Variants in NRCAM observed in about 807,000 individuals in gnomAD.
NRCAM encodes the protein NgCAM-related cell adhesion molecule.
Under a neutral mutation model 156.5 loss-of-function variants are expected in NRCAM, and 83 were observed. The observed-to-expected ratio is 0.53, with a 90% CI of 0.44 to 0.64. The LOEUF (loss-of-function observed/expected upper bound fraction) is 0.64. NRCAM is among the 30% of genes least tolerant of loss of function. The probability of loss-of-function intolerance (pLI) is 0.00; values close to 1 mark genes in which losing one functional copy is unlikely to be tolerated. For missense variants in NRCAM, 1,417 were observed against 1,597.3 expected (o/e 0.89, Z 1.92); for synonymous variants, 538 against 563.9 (o/e 0.95, Z 0.65).
chr7:108,230,187 A>G (rs1269629), intron 8 of NRCAM, among the ~76,000 whole-genome samples: 60,135 of 151,684 alleles, frequency 0.4, 13,975 homozygotes, highest in East Asian at 0.83. Context: ...GAGTTGTTCA[A>G]TCTCCAAAGG....
intron 2 of NRCAM, among the ~76,000 whole-genome samples, chr7:108,369,404 G>C (rs2099614510): frequency 6.6e-6 from 1 of 151,784 alleles, no homozygotes; most frequent in Non-Finnish European, 1.5e-5. Flanking sequence ...ATGAAATATA[G>C]GCCACTGAAA....
chr7:108,336,786 CTT>C (rs2099197677), intron 2 of NRCAM, among the ~76,000 whole-genome samples: 1 of 151,954 alleles, frequency 6.6e-6, no homozygotes, highest in Non-Finnish European at 1.5e-5. Context: ...TTTCATATCT[CTT>C]AAGTAATAAC....
chr7:108,387,824 T>C (rs1307145155), intron 2 of NRCAM, among the ~76,000 whole-genome samples: 1 of 151,910 alleles, frequency 6.6e-6, no homozygotes. Flanking sequence ...TTTTCTGTCC[T>C]TGTGATAGTT....
At chr7:108,389,243 C>T (rs539742349) in intron 2 of NRCAM, among the ~76,000 whole-genome samples, 8 of 152,134 alleles carry the variant, frequency 5.3e-5, no homozygotes, top group African/African-American at 1.7e-4. Flanking sequence ...GTTGAGCAGT[C>T]GTTTGTAGTT....
chr7:108,382,515 A>AG (rs772052097), intron 2 of NRCAM, among the ~76,000 whole-genome samples: 110 of 152,198 alleles, frequency 7.2e-4, no homozygotes, highest in Non-Finnish European at 1.4e-3. Context: ...AGGCTGAGGC[A>AG]GGGGGATTGC....
chr7:108,275,031 G>A (rs1293976410), intron 3 of NRCAM, among the ~76,000 whole-genome samples: 2 of 152,138 alleles, frequency 1.3e-5, no homozygotes, highest in East Asian at 1.9e-4. Flanking sequence ...TTTATGTGAT[G>A]GATTACGTTT....
In NRCAM at chr7:108,168,279, C is replaced by A; in HGVS notation, c.3311G>T (p.Gly1104Val). 6.6e-7 allele frequency: 1 copy of A among 1,513,202 alleles called. No individual in the cohort carries two copies. Among genetic ancestry groups the A allele is most frequent in the Non-Finnish European group, 8.8e-7 (1 of 1,133,898 alleles). The allele number at this position is 1,513,202 out of a possible 1,614,324, so 93.7% of individuals were successfully genotyped here. The change falls in exon 29 of 33, where the codon GGC becomes GTC. Residue 1104 changes from glycine to valine, a missense_variant and splice_region_variant. Physicochemically the swap from Gly to Val is moderately radical, Grantham distance 109. Transcript: ENST00000379028. ...CGGGTAATGAAATTGTTTCTTACTG[C>A]CTGCTACACCATATTCAACATAAAA... ...VNFYVEYGVA[G>V]SKEEWRKEIV... is the part of the protein sequence containing the mutation.
intron 23 of NRCAM, 96 bp downstream of exon 23, chr7:108,182,599 C>T (rs2064137506): frequency 9.5e-7 from 1 of 1,055,842 alleles, no homozygotes. Flanking sequence ...TAATTGCCAC[C>T]TCCCTCCCTT....
At chr7:108,187,268 C>A (rs1366115426) in intron 20 of NRCAM, among the ~76,000 whole-genome samples, 1 of 152,224 alleles carries the variant, frequency 6.6e-6, no homozygotes, top group Admixed American at 6.5e-5. Flanking sequence ...CCACTCTACA[C>A]ACCCACCACC....
intron 3 of NRCAM, among the ~76,000 whole-genome samples, chr7:108,266,568 G>A (rs765949365): frequency 1.3e-5 from 2 of 152,208 alleles, no homozygotes; most frequent in African/African-American, 2.4e-5. Flanking sequence ...TGAGCTCAAA[G>A]AGATAGAGTT....
intron 26 of NRCAM, 93 bp downstream of exon 26, chr7:108,177,897 C>T (rs113486493): frequency 1.8e-5 from 21 of 1,139,026 alleles, no homozygotes; most frequent in Middle Eastern, 3.0e-4. Context: ...AACATCACTA[C>T]GTACCCCATG....
chr7:108,176,262 A>T (rs927105643), intron 27 of NRCAM, among the ~76,000 whole-genome samples, 168 bp downstream of exon 27: 1 of 152,198 alleles, frequency 6.6e-6, no homozygotes, highest in African/African-American at 2.4e-5. Context: ...ATATCAGTCC[A>T]ATATGAACTA....
chr7:108,236,415 A>G (rs903890351), intron 5 of NRCAM, among the ~76,000 whole-genome samples: 1 of 151,360 alleles, frequency 6.6e-6, no homozygotes, highest in African/African-American at 2.4e-5. Flanking sequence ...TTGTCTTTCC[A>G]GCTGCCCTTC....
intron 3 of NRCAM, among the ~76,000 whole-genome samples, chr7:108,275,983 C>T (rs773231535): frequency 1.3e-5 from 2 of 152,126 alleles, no homozygotes; most frequent in Non-Finnish European, 2.9e-5. Flanking sequence ...GCCTTAATTT[C>T]GTAATTTACC....
intron 2 of NRCAM, among the ~76,000 whole-genome samples, chr7:108,325,499 G>A (rs9649300): frequency 0.59 from 90,049 of 151,628 alleles, 26,937 homozygotes; most frequent in African/African-American, 0.61. Context: ...CAGTATCTAC[G>A]TTGCTTTCCC....
chr7:108,195,911 A>G, intron 14 of NRCAM, 39 bp from the exon 15 acceptor site: 1 of 1,210,966 alleles, frequency 8.3e-7, no homozygotes, highest in Non-Finnish European at 1.2e-6. Context: ...ATATTAGAAT[A>G]CATTTTAGGA....
At chr7:108,420,471 C>A (rs1808033395) in intron 1 of NRCAM, among the ~76,000 whole-genome samples, 2 of 152,144 alleles carry the variant, frequency 1.3e-5, no homozygotes, top group African/African-American at 4.8e-5. Flanking sequence ...AGATTCTTAT[C>A]CACATTTCTT....
intron 20 of NRCAM, among the ~76,000 whole-genome samples, chr7:108,185,369 A>T (rs186930719): frequency 5.6e-4 from 86 of 152,298 alleles, no homozygotes; most frequent in African/African-American, 2.0e-3. Context: ...CAAACAACCT[A>T]AACATCCATC....
intron 2 of NRCAM, among the ~76,000 whole-genome samples, chr7:108,348,938 AG>A (rs2099390587): frequency 1.3e-5 from 2 of 149,312 alleles, no homozygotes; most frequent in Non-Finnish European, 1.5e-5. Flanking sequence ...GAAAGTCTTT[AG>A]GGGCAGCCAA....
Sources: gnomAD v4.1 joint callset for allele counts (sites outside exome capture counted in the v4.1 genomes callset) on GRCh38, gnomAD v4.1.1 for gene constraint, MANE v1.5 for transcripts, NCBI Gene and HGNC (gene_info 2026-07-23, HGNC 2026-07-21) for gene names.